The following HCN3 variants were observed in gnomAD, a reference collection of about 807,000 sequenced individuals.
The protein encoded by HCN3 is hyperpolarization activated cyclic nucleotide gated potassium channel 3, also known as potassium/sodium hyperpolarization-activated cyclic nucleotide-gated channel 3.
A neutral mutation model predicts 56.8 loss-of-function variants in HCN3; 36 were observed. The observed-to-expected ratio is 0.63, with a 90% CI of 0.49 to 0.84. HCN3 has a LOEUF of 0.84. Among genes scored for constraint, HCN3 ranks in the 40% least tolerant of loss-of-function variants. The probability of loss-of-function intolerance (pLI) is 0.00; values close to 1 mark genes in which losing one functional copy is unlikely to be tolerated. For missense variants in HCN3, 930 were observed against 1,079.3 expected (o/e 0.86, Z 1.94); for synonymous variants, 425 against 439.7 (o/e 0.97, Z 0.42).
chr1:155,282,924 G>A lies in HCN3; in HGVS notation c.708+84G>A. 1 of 1,364,006 alleles carries A rather than the reference G, an allele frequency of 7.3e-7. No individual in the cohort carries two copies. The highest frequency in any genetic ancestry group is 9.9e-7 in the Non-Finnish European group (1 of 1,006,120). The allele number at this position is 1,364,006 out of a possible 1,614,324, so 84.5% of individuals were successfully genotyped here. A position where few individuals can be genotyped will look rare whatever the true frequency, so the allele number is the denominator to read the frequency against. ...CGGGGCGGCTGGTGGACTTCTCTAG[G>A]AAGATGCTATGGGTGGGGCTCCTGG... On this transcript the variant is annotated intron_variant, in intron 2 of 7. Coordinates refer to ENST00000368358, the MANE Select transcript of HCN3 (RefSeq NM_020897.3). The surrounding 1 kb of genome is among the most constrained non-coding windows in gnomAD (Gnocchi z 4.7).
rs879889326 is a variant in HCN3, at chr1:155,285,885, C to T, written c.1398C>T (p.Tyr466=). 33 of 1,614,056 alleles carry T rather than the reference C, an allele frequency of 2.0e-5. No homozygotes were observed. The highest frequency in any genetic ancestry group is 2.7e-5 in the Non-Finnish European group (32 of 1,180,012). Residue 466 remains tyrosine, a synonymous_variant, in exon 6 of 8, where the codon TAC becomes TAT. Coordinates refer to ENST00000368358, the MANE Select transcript of HCN3 (RefSeq NM_020897.3). This position sits in a 1 kb window ranked among gnomAD's most constrained non-coding sequence, Gnocchi z 4.5. ...VREGSVGRKM[Y]FIQHGLLSVL... is the part of the protein sequence containing the mutation. ...AGGGCTCCGTGGGGAGGAAGATGTA[C>T]TTCATCCAGCATGGGCTGCTCAGTG...
At chr1:155,280,956 G>T (rs1214586393) in intron 1 of HCN3, among the ~76,000 whole-genome samples, 1 of 150,094 alleles carries the variant, frequency 6.7e-6, no homozygotes, top group Non-Finnish European at 1.5e-5. Context: ...GTTTCTCCAT[G>T]TTGGTCAGGC....
intron 1 of HCN3, among the ~76,000 whole-genome samples, chr1:155,280,869 C>G (rs1353268652): frequency 1.3e-5 from 2 of 149,362 alleles, no homozygotes; most frequent in East Asian, 4.0e-4. Flanking sequence ...ATTCTCCTGC[C>G]TCAGCCTCCT....
chr1:155,277,956 C>A (rs971152752), intron 1 of HCN3, 88 bp downstream of exon 1: 3 of 1,469,578 alleles, frequency 2.0e-6, no homozygotes, highest in Non-Finnish European at 2.8e-6. Context: ...CCACCCTCCA[C>A]GGTCACTTCA....
chr1:155,280,738 ATTTTTTTTTTTTTTTT>A (rs34480594), intron 1 of HCN3, among the ~76,000 whole-genome samples: 5 of 34,542 alleles, frequency 1.4e-4, no homozygotes, highest in Admixed American at 4.1e-4. Flanking sequence ...ACGCCCAGCT[ATTTTTTTTTTTTTTTT>A]TTTTTTTTTT....
chr1:155,284,392 C>A lies in HCN3; in HGVS notation c.871-147C>A, dbSNP rs1366846327. The A allele has an allele frequency of 4.2e-6, 4 of 955,346 alleles. No individual in the cohort carries two copies. The highest frequency in any genetic ancestry group is 3.5e-5 in the South Asian group (2 of 57,690). 59.2% of individuals were successfully genotyped at this position (955,346 alleles called of 1,614,324 possible). ...AATAGAGGACCCTTTTGCCTCAGGGCCCCCCAGAACCAAACTTAAGTGCCT... is the reference window on the plus strand; with the variant it reads ...AATAGAGGACCCTTTTGCCTCAGGGACCCCCAGAACCAAACTTAAGTGCCT... On this transcript the variant is annotated intron_variant, in intron 3 of 7. Transcript: ENST00000368358. This position sits in a 1 kb window ranked among gnomAD's most constrained non-coding sequence, Gnocchi z 4.3.
chr1:155,280,348 T>C (rs1673975550), intron 1 of HCN3, among the ~76,000 whole-genome samples: 1 of 151,622 alleles, frequency 6.6e-6, no homozygotes. Context: ...CACGGCAACC[T>C]TCACTCCCAG....
At position 155,287,900 on chromosome 1, in the gene HCN3, C is replaced by T. The variant is rs547306239; in HGVS notation, c.1762C>T (p.Arg588Trp). Residue 588 changes from arginine (R) to tryptophan (W), a missense_variant, in exon 8 of 8, where the codon CGG becomes TGG. Physicochemically the swap from Arg to Trp is moderately radical, Grantham distance 101. Coordinates refer to ENST00000368358, the MANE Select transcript of HCN3 (RefSeq NM_020897.3). Reference protein sequence around the residue: ...DRDMARGVRGRAPSTGAQLSG... With the variant: ...DRDMARGVRGWAPSTGAQLSG... ...AGACATGGCTCGGGGTGTTCGGGGT[C>T]GGGCCCCGAGCACAGGAGCTCAGCT... The T allele has an allele frequency of 3.2e-5, 51 of 1,613,918 alleles. No individual in the cohort carries two copies. Among genetic ancestry groups the T allele is most frequent in the African/African-American group, 4.0e-5 (3 of 75,024 alleles).
intron 1 of HCN3, among the ~76,000 whole-genome samples, chr1:155,280,598 A>T (rs1304021881): frequency 1.3e-5 from 2 of 151,370 alleles, no homozygotes. Context: ...CACCATGCCC[A>T]GCTAATTTTT....
Position 155,287,332 on chromosome 1 carries a change from G to A in HCN3, c.1637G>A (p.Arg546His), listed in dbSNP as rs745834184. ...FETVAMDRLL[R>H]IGKKNSILQR... ...ACTGTGGCCATGGATCGGCTGCTCCGCATCGGTGAGACCTGTCCACCCCAT... is the reference window on the plus strand; with the variant it reads ...ACTGTGGCCATGGATCGGCTGCTCCACATCGGTGAGACCTGTCCACCCCAT... Residue 546 changes from arginine to histidine, a missense_variant, in exon 7 of 8, where the codon CGC becomes CAC. Transcript: ENST00000368358. 10 of 1,613,802 alleles carry A rather than the reference G, an allele frequency of 6.2e-6. No individual in the cohort carries two copies. The highest frequency in any genetic ancestry group is 2.7e-5 in the African/African-American group (2 of 74,982).
Position 155,284,385 on chromosome 1 carries a change from C to T in HCN3, c.871-154C>T, listed in dbSNP as rs1674192886. 10 of 942,130 alleles carry T rather than the reference C, an allele frequency of 1.1e-5. No homozygotes were observed. The highest frequency in any genetic ancestry group is 1.5e-5 in the Non-Finnish European group (10 of 647,954). 58.4% of individuals were successfully genotyped at this position (942,130 alleles called of 1,614,324 possible). A position where few individuals can be genotyped will look rare whatever the true frequency, so the allele number is the denominator to read the frequency against. ...AAGTTGCAATAGAGGACCCTTTTGC[C>T]TCAGGGCCCCCCAGAACCAAACTTA... On this transcript the variant is annotated intron_variant, in intron 3 of 7. Coordinates refer to ENST00000368358, the MANE Select transcript of HCN3 (RefSeq NM_020897.3). The surrounding 1 kb of genome is among the most constrained non-coding windows in gnomAD (Gnocchi z 4.3).
In HCN3 at chr1:155,284,697, C is replaced by T. The variant is rs542521850; in HGVS notation, c.1029C>T (p.Ile343=). Residue 343 remains isoleucine (I), a synonymous_variant, in exon 4 of 8, where the codon ATC becomes ATT. Coordinates refer to ENST00000368358, the MANE Select transcript of HCN3 (RefSeq NM_020897.3). The surrounding 1 kb of genome is among the most constrained non-coding windows in gnomAD (Gnocchi z 4.3). ...IVGATCYAMF[I]GHATALIQSL... is the part of the protein sequence containing the mutation. ...GTGCCACATGCTACGCCATGTTCAT[C>T]GGCCATGCCACGGCACTCATCCAGT... 7.2e-5 allele frequency: 117 copies of T among 1,614,210 alleles called. 2 individuals carry two copies. In the South Asian group the frequency reaches 1.2e-3, roughly 17 times the overall value.
Position 155,287,171 on chromosome 1 carries a change from A to G in HCN3, c.1478-2A>G. The G allele has an allele frequency of 6.2e-7, 1 of 1,612,246 alleles. No individual in the cohort carries two copies. Among genetic ancestry groups the G allele is most frequent in the Non-Finnish European group, 8.5e-7 (1 of 1,179,898 alleles). ...TCTGAAGCTTCCTCCCAATTTCTGC[A>G]GAGATCTGCCTGCTAACTAGGGGCC... is the stretch of plus-strand genomic sequence containing the variant. On this transcript the variant is annotated splice_acceptor_variant, in intron 6 of 7. Coordinates refer to ENST00000368358, the MANE Select transcript of HCN3 (RefSeq NM_020897.3). LOFTEE classifies it high-confidence loss of function.
Position 155,280,381 on chromosome 1 carries a change from G to C in HCN3, c.279-2030G>C, listed in dbSNP as rs149678354. Among the ~76,000 whole-genome samples, 427 of 150,154 alleles carry C rather than the reference G, an allele frequency of 2.8e-3. 9 individuals are homozygous for C. In the East Asian group the frequency reaches 0.07, roughly 25 times the overall value. ...CAGGTTCAAGCAATTCTCCTGCCTT[G>C]GCCTCCTGAATATCTGGGATTGGGA... is the stretch of plus-strand genomic sequence containing the variant. On this transcript the variant is annotated intron_variant, in intron 1 of 7. Transcript: ENST00000368358.
intron 2 of HCN3, 53 bp from the exon 3 acceptor site, chr1:155,283,921 G>A (rs929380588): frequency 6.3e-6 from 10 of 1,578,516 alleles, no homozygotes; most frequent in Middle Eastern, 1.7e-4. Flanking sequence ...GAATGGAGGA[G>A]GACAAGCAGG....
chr1:155,279,313 C>T (rs998397944), intron 1 of HCN3, among the ~76,000 whole-genome samples: 6 of 152,216 alleles, frequency 3.9e-5, no homozygotes, highest in African/African-American at 1.2e-4. Flanking sequence ...TTGACCTCTT[C>T]TTTCCACGGT....
Position 155,289,037 on chromosome 1 carries a change from C to T in HCN3, c.*574C>T, listed in dbSNP as rs1296710091. 1.3e-5 allele frequency: 2 copies of T among 154,498 alleles called. No individual in the cohort carries two copies. The highest frequency in any genetic ancestry group is 4.8e-5 in the African/African-American group (2 of 41,460). The allele number at this position is 154,498 out of a possible 1,614,324, so 9.6% of individuals were successfully genotyped here. A position where few individuals can be genotyped will look rare whatever the true frequency, so the allele number is the denominator to read the frequency against. On this transcript the variant is annotated 3_prime_UTR_variant, in exon 8 of 8. Coordinates refer to ENST00000368358, the MANE Select transcript of HCN3 (RefSeq NM_020897.3). ...GTATCCACTTTTACCCGCTCACTGC[C>T]ACCTGTGGACACTCTGTGTCTACCC...
Position 155,282,315 on chromosome 1 carries a change from T to G in HCN3, c.279-96T>G, listed in dbSNP as rs1022359131. On this transcript the variant is annotated intron_variant, in intron 1 of 7. Coordinates refer to ENST00000368358, the MANE Select transcript of HCN3 (RefSeq NM_020897.3). The surrounding 1 kb of genome is among the most constrained non-coding windows in gnomAD (Gnocchi z 4.7). ...AACAGTCATTCTGTTATTGTGTATC[T>G]TTGCCCATTCTTGGCCATGTCAGCC... is the stretch of plus-strand genomic sequence containing the variant. 1.7e-6 allele frequency: 2 copies of G among 1,158,620 alleles called. No individual in the cohort carries two copies. Among genetic ancestry groups the G allele is most frequent in the African/African-American group, 3.0e-5 (2 of 65,932 alleles). 71.8% of individuals were successfully genotyped at this position (1,158,620 alleles called of 1,614,324 possible).
chr1:155,284,838 T>A lies in HCN3; in HGVS notation c.1089+81T>A. Reference sequence around the variant, plus strand: ...GCCTGACTTGAGGCCCATTCTGATGTGTGCCCCTGTTGCGTCTCTGTTTCC... The same window carrying A: ...GCCTGACTTGAGGCCCATTCTGATGAGTGCCCCTGTTGCGTCTCTGTTTCC... On this transcript the variant is annotated intron_variant, in intron 4 of 7. Transcript: ENST00000368358. This position sits in a 1 kb window ranked among gnomAD's most constrained non-coding sequence, Gnocchi z 4.3. The A allele has an allele frequency of 8.0e-7, 1 of 1,246,456 alleles. No individual in the cohort carries two copies. The highest frequency in any genetic ancestry group is 1.1e-6 in the Non-Finnish European group (1 of 888,334). The allele number at this position is 1,246,456 out of a possible 1,614,324, so 77.2% of individuals were successfully genotyped here.
Sources: allele counts gnomAD v4.1 joint callset (sites outside exome capture counted in the v4.1 genomes callset), GRCh38; gene constraint gnomAD v4.1.1; non-coding constraint Gnocchi (gnomAD v3.1); transcripts MANE v1.5; gene names NCBI Gene and HGNC (gene_info 2026-07-23, HGNC 2026-07-21).